MFSD2B: variants seen among roughly 807,000 people sequenced by gnomAD.
The protein encoded by MFSD2B is sphingosine-1-phosphate transporter MFSD2B.
Under a neutral mutation model 58.4 loss-of-function variants are expected in MFSD2B, and 56 were observed. The observed-to-expected ratio is 0.96, with a 90% CI of 0.77 to 1.20. The LOEUF is 1.20. Among genes scored for constraint, MFSD2B ranks in the 50% most tolerant of loss-of-function variants. The pLI is 0.00. For synonymous variants in MFSD2B, 287 were observed against 294.4 expected (o/e 0.97, Z 0.26); for missense variants, 645 against 667.6 (o/e 0.97, Z 0.37).
intron 2 of MFSD2B, among the ~76,000 whole-genome samples, chr2:24,014,490 G>C (rs1361955845): frequency 6.6e-6 from 1 of 152,164 alleles, no homozygotes; most frequent in Non-Finnish European, 1.5e-5. Context: ...GCCCACAGAA[G>C]TCAACAGACT....
rs775176336 is a variant in MFSD2B, at chr2:24,017,364, C to G, written c.550C>G (p.Arg184Gly). Residue 184 changes from arginine (R) to glycine (G), a missense_variant and splice_region_variant, in exon 5 of 14, where the codon CGG becomes GGG. Coordinates refer to ENST00000338315, the MANE Select transcript of MFSD2B (RefSeq NM_001346880.2). The surrounding 1 kb of genome is among the most constrained non-coding windows in gnomAD (Gnocchi z 4.8). ...GGAGCGGGACTCGGCCACCGCCTAC[C>G]GTGAGTGCAGCCGTGGGTTTCGGGT... is the stretch of plus-strand genomic sequence containing the variant. ...PRERDSATAYRMTVEMAGTLM... is the reference protein window; with the variant it reads ...PRERDSATAYGMTVEMAGTLM... The G allele has an allele frequency of 1.9e-6, 3 of 1,604,026 alleles. No individual in the cohort carries two copies. The South Asian group carries it at 3.4e-5, about 18-fold the overall frequency.
At position 24,016,295 on chromosome 2, in the gene MFSD2B, A is replaced by C; in HGVS notation, c.347+15A>C. The C allele has an allele frequency of 6.2e-7, 1 of 1,610,512 alleles. No homozygotes were observed. The highest frequency in any genetic ancestry group is 8.5e-7 in the Non-Finnish European group (1 of 1,177,974). ...CTCATGCCTTGGTGAGCAACCGCTC[A>C]GTCCTTAGGATCCAGGCACCTGGTC... On this transcript the variant is annotated intron_variant, in intron 3 of 13. Transcript: ENST00000338315.
rs762743585 is a variant in MFSD2B at position 24,024,163 on chromosome 2, T to C, written c.1382T>C (p.Ile461Thr). Residue 461 changes from isoleucine (I) to threonine (T), a missense_variant, in exon 13 of 14, where the codon ATT becomes ACT. Transcript: ENST00000338315. This position sits in a 1 kb window ranked among gnomAD's most constrained non-coding sequence, Gnocchi z 4.3. ...GTGGTGGTCACCCTCAAAGTCCTCATTGGCGCCGTGCCCACCTGCATGATC... is the reference window on the plus strand; with the variant it reads ...GTGGTGGTCACCCTCAAAGTCCTCACTGGCGCCGTGCCCACCTGCATGATC... Reference protein sequence around the residue: ...EEVVVTLKVLIGAVPTCMILA... With the variant: ...EEVVVTLKVLTGAVPTCMILA... 2.9e-5 allele frequency: 46 copies of C among 1,613,796 alleles called. No individual in the cohort carries two copies. Among genetic ancestry groups the C allele is most frequent in the African/African-American group, 8.0e-5 (6 of 74,918 alleles).
At chr2:24,015,695 G>GA (rs1325234641) in intron 2 of MFSD2B, among the ~76,000 whole-genome samples, 3 of 152,156 alleles carry the variant, frequency 2.0e-5, no homozygotes, top group Non-Finnish European at 4.4e-5. Context: ...TACATAGTCA[G>GA]AAAAAACAAT....
Position 24,017,611 on chromosome 2 carries a change from C to A in MFSD2B, c.681+23C>A. The A allele has an allele frequency of 1.3e-6, 2 of 1,530,950 alleles. No homozygotes were observed. Among genetic ancestry groups the A allele is most frequent in the Non-Finnish European group, 1.8e-6 (2 of 1,135,520 alleles). 94.8% of individuals were successfully genotyped at this position (1,530,950 alleles called of 1,614,324 possible). A position where few individuals can be genotyped will look rare whatever the true frequency, so the allele number is the denominator to read the frequency against. On this transcript the variant is annotated intron_variant, in intron 6 of 13. Coordinates refer to ENST00000338315, the MANE Select transcript of MFSD2B (RefSeq NM_001346880.2). This position sits in a 1 kb window ranked among gnomAD's most constrained non-coding sequence, Gnocchi z 4.8. ...GCAGTAAGTGCACTGGGTGGCAAGG[C>A]CCCCCAACCTGGGGTCCCCTCTGCA... is the stretch of plus-strand genomic sequence containing the variant.
At chr2:24,010,707 G>T (rs569986407) in intron 1 of MFSD2B, among the ~76,000 whole-genome samples, 3 of 152,304 alleles carry the variant, frequency 2.0e-5, no homozygotes, top group East Asian at 3.9e-4. Flanking sequence ...GGGTCTTCGG[G>T]GCCCCTTGTC....
rs1708985011 is a variant in MFSD2B, at chr2:24,012,197, C to A, written c.97-1088C>A. ...ACACACACAAAAACAGACAAAAAAA[C>A]CCTGCAATAGCAAGCCATTGGAGAG... is the stretch of plus-strand genomic sequence containing the variant. On this transcript the variant is annotated intron_variant, in intron 1 of 13. Transcript: ENST00000338315. The surrounding 1 kb of genome is among the most constrained non-coding windows in gnomAD (Gnocchi z 4.5). 2.0e-5 allele frequency among the ~76,000 whole-genome samples: 3 copies of A among 151,006 alleles called. No individual in the cohort carries two copies. Among genetic ancestry groups the A allele is most frequent in the South Asian group, 4.2e-4 (2 of 4,778 alleles).
Position 24,023,296 on chromosome 2 carries a change from T to C in MFSD2B, c.1169+57T>C, listed in dbSNP as rs1662866371. The C allele has an allele frequency of 2.8e-6, 4 of 1,429,750 alleles. No homozygotes were observed. Among genetic ancestry groups the C allele is most frequent in the Non-Finnish European group, 3.9e-6 (4 of 1,017,210 alleles). 88.6% of individuals were successfully genotyped at this position (1,429,750 alleles called of 1,614,324 possible). ...CACAGTGGGTGTCACCTCCTTCATG[T>C]AAACCTGCCGTCCCAGGCCCCCTGC... On this transcript the variant is annotated intron_variant, in intron 11 of 13. Coordinates refer to ENST00000338315, the MANE Select transcript of MFSD2B (RefSeq NM_001346880.2). The surrounding 1 kb of genome is among the most constrained non-coding windows in gnomAD (Gnocchi z 5.0).
Position 24,017,045 on chromosome 2 carries a change from G to A in MFSD2B, c.471+77G>A, listed in dbSNP as rs1156798270. The A allele has an allele frequency of 2.5e-6, 4 of 1,578,018 alleles. No homozygotes were observed. In the African/African-American group the frequency reaches 4.0e-5, roughly 16 times the overall value. The stretch of plus-strand genomic sequence containing the variant: ...CATGGCCACTCTGAAGTGTGCTGTG[G>A]GGGCAGGGCTGCCGCCCTCCCCACC... On this transcript the variant is annotated intron_variant, in intron 4 of 13. Transcript: ENST00000338315. The surrounding 1 kb of genome is among the most constrained non-coding windows in gnomAD (Gnocchi z 4.8).
rs1418668437 is a variant in MFSD2B, at chr2:24,012,698, C to T, written c.97-587C>T. Reference sequence around the variant, plus strand: ...TGGCCTGAGCCACTGAGGGGACCAGCGGTGCCATTTGCTAGGAGCTGGATT... The same window carrying T: ...TGGCCTGAGCCACTGAGGGGACCAGTGGTGCCATTTGCTAGGAGCTGGATT... On this transcript the variant is annotated intron_variant, in intron 1 of 13. Coordinates refer to ENST00000338315, the MANE Select transcript of MFSD2B (RefSeq NM_001346880.2). This position sits in a 1 kb window ranked among gnomAD's most constrained non-coding sequence, Gnocchi z 4.5. Among the ~76,000 whole-genome samples the T allele has an allele frequency of 3.3e-5, 5 of 152,192 alleles. No individual in the cohort carries two copies. Among genetic ancestry groups the T allele is most frequent in the East Asian group, 1.9e-4 (1 of 5,200 alleles).
chr2:24,020,170 T>TG lies in MFSD2B; in HGVS notation c.682-1474dup, dbSNP rs1424388905. On this transcript the variant is annotated intron_variant, in intron 6 of 13. Transcript: ENST00000338315. This position sits in a 1 kb window ranked among gnomAD's most constrained non-coding sequence, Gnocchi z 4.1. ...GTGGTCCTTGATGTGACACAAGGGT[T>TG]GGGGAAGGGAAAGTATCAAGGAGTG... Among the ~76,000 whole-genome samples the TG allele has an allele frequency of 1.3e-5, 2 of 152,126 alleles. No individual in the cohort carries two copies. The highest frequency in any genetic ancestry group is 4.8e-5 in the African/African-American group (2 of 41,496).
chr2:24,018,683 T>C (rs1662625045), intron 6 of MFSD2B: 4 of 176,722 alleles, frequency 2.3e-5, no homozygotes, highest in Admixed American at 1.9e-4. Flanking sequence ...GTTTCCTATT[T>C]GCAGTTACTT....
intron 2 of MFSD2B, 143 bp from the exon 3 acceptor site, chr2:24,016,013 G>C: frequency 1.0e-6 from 1 of 1,000,066 alleles, no homozygotes; most frequent in Admixed American, 2.0e-5. Context: ...CAGCATCCTG[G>C]GGAAGGCTGA....
At chr2:24,025,086 G>GT (rs1662931645) in intron 13 of MFSD2B, among the ~76,000 whole-genome samples, 1 of 152,206 alleles carries the variant, frequency 6.6e-6, no homozygotes. Context: ...GTTCACACAA[G>GT]TAAGGTCCAC....
rs1278626674 is a variant in MFSD2B, at chr2:24,024,980, A to G, written c.1491-452A>G. Among the ~76,000 whole-genome samples, 3 of 152,152 alleles carry G rather than the reference A, an allele frequency of 2.0e-5. No individual in the cohort carries two copies. The highest frequency in any genetic ancestry group is 7.2e-5 in the African/African-American group (3 of 41,430). ...CTGTTTTATTCCTTTTTGTATCCCA[A>G]GAGCCCAGCACAGAGCCTGAGGCCA... On this transcript the variant is annotated intron_variant, in intron 13 of 13. Coordinates refer to ENST00000338315, the MANE Select transcript of MFSD2B (RefSeq NM_001346880.2). This position sits in a 1 kb window ranked among gnomAD's most constrained non-coding sequence, Gnocchi z 4.3.
In MFSD2B at chr2:24,010,210, G is replaced by T; in HGVS notation, c.96+18G>T. The T allele has an allele frequency of 7.3e-7, 1 of 1,371,998 alleles. No individual in the cohort carries two copies. Among genetic ancestry groups the T allele is most frequent in the South Asian group, 1.7e-5 (1 of 59,974 alleles). The allele number at this position is 1,371,998 out of a possible 1,614,324, so 85.0% of individuals were successfully genotyped here. On this transcript the variant is annotated intron_variant, in intron 1 of 13. Coordinates refer to ENST00000338315, the MANE Select transcript of MFSD2B (RefSeq NM_001346880.2). ...GGCGAGAGGTGAGCGGGGCGGCGGG[G>T]ACCGGGAAGGGGCTGCGTCCTCGGG... is the stretch of plus-strand genomic sequence containing the variant.
rs1403322687 is a variant in MFSD2B, at chr2:24,021,935, G to C, written c.859G>C (p.Val287Leu). The change falls in exon 8 of 14, where the codon GTG becomes CTG. Residue 287 changes from valine to leucine, a missense_variant. Physicochemically the swap from Val to Leu is conservative, Grantham distance 32 (BLOSUM62 1). Coordinates refer to ENST00000338315, the MANE Select transcript of MFSD2B (RefSeq NM_001346880.2). This position sits in a 1 kb window ranked among gnomAD's most constrained non-coding sequence, Gnocchi z 5.7. Reference protein sequence around the residue: ...TTRHPPYLKLVISFLFISAAV... With the variant: ...TTRHPPYLKLLISFLFISAAV... ...CCGGCACCCACCCTACCTGAAGCTGGTGATCTCCTTCCTGTTCATCTCTGC... is the reference window on the plus strand; with the variant it reads ...CCGGCACCCACCCTACCTGAAGCTGCTGATCTCCTTCCTGTTCATCTCTGC... The C allele has an allele frequency of 1.2e-6, 2 of 1,614,046 alleles. No individual in the cohort carries two copies. The highest frequency in any genetic ancestry group is 1.6e-4 in the Middle Eastern group (1 of 6,062).
Position 24,012,151 on chromosome 2 carries a change from A to AACAC in MFSD2B, c.97-1108_97-1105dup, listed in dbSNP as rs1208353148. ...TGGAAACAAACAAACAAACAAACAA[A>AACAC]ACACACACACACACACACACACACA... On this transcript the variant is annotated intron_variant, in intron 1 of 13. Transcript: ENST00000338315. The surrounding 1 kb of genome is among the most constrained non-coding windows in gnomAD (Gnocchi z 4.5). 1.1e-3 allele frequency among the ~76,000 whole-genome samples: 87 copies of AACAC among 76,436 alleles called. No individual in the cohort carries two copies. The highest frequency in any genetic ancestry group is 3.0e-3 in the Admixed American group (15 of 4,958). 50.1% of individuals were successfully genotyped at this position (76,436 alleles called of 152,430 possible). A position where few individuals can be genotyped will look rare whatever the true frequency, so the allele number is the denominator to read the frequency against.
At chr2:24,010,871 G>A (rs1174069151) in intron 1 of MFSD2B, among the ~76,000 whole-genome samples, 1 of 152,084 alleles carries the variant, frequency 6.6e-6, no homozygotes, top group Non-Finnish European at 1.5e-5. Context: ...CCCCCAGCCT[G>A]TTCAGGGCTT....
Sources: allele counts gnomAD v4.1 joint callset (sites outside exome capture counted in the v4.1 genomes callset), GRCh38; gene constraint gnomAD v4.1.1; non-coding constraint Gnocchi (gnomAD v3.1); transcripts MANE v1.5; gene names NCBI Gene and HGNC (gene_info 2026-07-23, HGNC 2026-07-21).